DAB1: variants seen among roughly 807,000 people sequenced by gnomAD.
DAB1 encodes DAB adaptor protein 1, also known as disabled homolog 1.
DAB1 carries 15 observed loss-of-function variants against 64.6 expected under a neutral mutation model. The observed-to-expected ratio is 0.23, with a 90% confidence interval of 0.16 to 0.36. The LOEUF (loss-of-function observed/expected upper bound fraction) is 0.36. DAB1 is among the 10% of genes least tolerant of loss of function. The pLI is 1.00. For missense variants in DAB1, 596 were observed against 706.7 expected (o/e 0.84, Z 1.78); for synonymous variants, 235 against 251.9 (o/e 0.93, Z 0.64).
chr1:57,743,302 T>C (rs1312291576), intron 6 of DAB1, among the ~76,000 whole-genome samples: 7 of 152,206 alleles, frequency 4.6e-5, no homozygotes, highest in Admixed American at 4.6e-4. Context: ...TCAATGTACT[T>C]TGTAATCTCC....
intron 4 of DAB1, among the ~76,000 whole-genome samples, chr1:58,328,048 G>A (rs1024533816): frequency 1.1e-4 from 17 of 152,106 alleles, no homozygotes; most frequent in South Asian, 4.1e-4. Context: ...TGGGCCTAAC[G>A]CAGTTCAGCC....
chr1:57,898,634 C>A (rs59435252), intron 5 of DAB1, among the ~76,000 whole-genome samples: 1,616 of 152,246 alleles, frequency 0.011, 22 homozygotes, highest in African/African-American at 0.036. Flanking sequence ...CCAAAGCTCT[C>A]TTGCCTGGGT....
intron 7 of DAB1, among the ~76,000 whole-genome samples, chr1:57,594,457 AG>A (rs1295753373): frequency 6.6e-6 from 1 of 151,948 alleles, no homozygotes; most frequent in East Asian, 1.9e-4. Context: ...CACAGCCAGT[AG>A]GGTGACTGTC....
At chr1:57,298,033 G>A (rs1673345128) in intron 1 of DAB1, among the ~76,000 whole-genome samples, 2 of 152,112 alleles carry the variant, frequency 1.3e-5, no homozygotes, top group African/African-American at 2.4e-5. Flanking sequence ...ACCACTGCAG[G>A]TTCCTTTAAT....
chr1:57,945,902 C>T (rs770089121), intron 5 of DAB1, among the ~76,000 whole-genome samples: 33 of 152,250 alleles, frequency 2.2e-4, no homozygotes, highest in African/African-American at 6.5e-4. Flanking sequence ...CAATAACTAA[C>T]GAAAAGACAA....
chr1:57,439,618 C>CA (rs1685857364), intron 7 of DAB1, among the ~76,000 whole-genome samples: 1 of 124,352 alleles, frequency 8.0e-6, no homozygotes, highest in East Asian at 2.6e-4. Flanking sequence ...TTAGTAGAGA[C>CA]GGGGTTCACC....
At chr1:57,160,204 T>C (rs1660616334) in intron 2 of DAB1, among the ~76,000 whole-genome samples, 1 of 152,232 alleles carries the variant, frequency 6.6e-6, no homozygotes, top group South Asian at 2.1e-4. Flanking sequence ...TATAATAGTT[T>C]ATTTCATGTT....
chr1:58,433,670 GGA>G (rs60954569), intron 3 of DAB1, among the ~76,000 whole-genome samples: 12 of 142,096 alleles, frequency 8.4e-5, no homozygotes, highest in Admixed American at 1.4e-4. Context: ...GGGAGGCGGG[GGA>G]GAGAGAGAGA....
intron 2 of DAB1, among the ~76,000 whole-genome samples, chr1:58,508,884 T>A (rs1237614109): frequency 6.7e-6 from 1 of 149,854 alleles, no homozygotes; most frequent in Non-Finnish European, 1.5e-5. Flanking sequence ...CATTCTAACA[T>A]TTCTGAGGGC....
chr1:57,603,227 C>G (rs887882025), intron 7 of DAB1, among the ~76,000 whole-genome samples: 5 of 152,172 alleles, frequency 3.3e-5, no homozygotes, highest in East Asian at 1.9e-4. Flanking sequence ...CCTGCCTCAG[C>G]CTCCCAAAGT....
intron 5 of DAB1, among the ~76,000 whole-genome samples, chr1:57,955,910 TA>T (rs1240399497): frequency 1.3e-5 from 2 of 152,222 alleles, no homozygotes; most frequent in African/African-American, 4.8e-5. Flanking sequence ...ATTCCCATTT[TA>T]AAATGCACAA....
intron 4 of DAB1, among the ~76,000 whole-genome samples, chr1:57,093,470 G>A (rs570507724): frequency 1.8e-4 from 28 of 152,098 alleles, no homozygotes; most frequent in African/African-American, 6.5e-4. Context: ...GCAATGTGAG[G>A]TCGCAAAGCC....
chr1:57,006,121 A>G lies in DAB1; in HGVS notation c.*15+4559T>C, dbSNP rs534517304. ...CTGTAATAGAGACAGTATGGCCCAC[A>G]AGGCACACATATTTACAGAGAGTTT... On this transcript the variant is annotated intron_variant, in intron 14 of 14. Coordinates refer to ENST00000371236, the MANE Select transcript of DAB1 (RefSeq NM_001365792.1). Among the ~76,000 whole-genome samples the G allele has an allele frequency of 7.2e-5, 11 of 152,314 alleles. 1 individual carries two copies. The South Asian group carries it at 2.3e-3, about 32-fold the overall frequency.
In DAB1 at chr1:57,951,334, T is replaced by TATATATATATATC. The variant is rs1219655257; in HGVS notation, n.388-67173_388-67172insGATATATATATAT. Among the ~76,000 whole-genome samples, 75 of 63,848 alleles carry TATATATATATATC rather than the reference T, an allele frequency of 1.2e-3. 12 individuals are homozygous for TATATATATATATC. The highest frequency in any genetic ancestry group is 2.0e-3 in the Non-Finnish European group (55 of 27,314). The allele number at this position is 63,848 out of a possible 152,430, so 41.9% of individuals were successfully genotyped here. On this transcript the variant is annotated intron_variant and non_coding_transcript_variant, in intron 5 of 20. Coordinates refer to the DAB1 transcript ENST00000485760. ...GCCTGATTCATATATATATATATAC[T>TATATATATATATC]TCCCTGGAAACTTAAATTAGCCCAA...
rs187063457 is a variant in DAB1, at chr1:58,475,142, G to T, written n.257+30918C>A. Among the ~76,000 whole-genome samples the T allele has an allele frequency of 5.8e-3, 886 of 152,230 alleles. 1 individual carries two copies. Among genetic ancestry groups the T allele is most frequent in the Middle Eastern group, 0.01 (3 of 294 alleles). On this transcript the variant is annotated intron_variant and non_coding_transcript_variant, in intron 3 of 20. Coordinates refer to the DAB1 transcript ENST00000485760. ...AGACAAGAGCCGTAATGGATTAATAGAATTAGATTAATTATTAGTAGTAGT... is the reference window on the plus strand; with the variant it reads ...AGACAAGAGCCGTAATGGATTAATATAATTAGATTAATTATTAGTAGTAGT...
At chr1:57,402,641 C>T (rs778457038) in intron 1 of DAB1, among the ~76,000 whole-genome samples, 3 of 152,092 alleles carry the variant, frequency 2.0e-5, no homozygotes, top group Non-Finnish European at 4.4e-5. Context: ...ATATTTTCTG[C>T]CTCATTCATA....
At chr1:57,440,004 A>G (rs955021764) in intron 7 of DAB1, among the ~76,000 whole-genome samples, 9 of 152,196 alleles carry the variant, frequency 5.9e-5, no homozygotes, top group African/African-American at 1.7e-4. Flanking sequence ...TGATAATACC[A>G]TACCAGATAA....
At chr1:57,814,035 T>C (rs1651745747) in intron 6 of DAB1, among the ~76,000 whole-genome samples, 1 of 152,234 alleles carries the variant, frequency 6.6e-6, no homozygotes, top group African/African-American at 2.4e-5. Context: ...AAGTTTCTCT[T>C]CTTAAGATAA....
intron 2 of DAB1, among the ~76,000 whole-genome samples, chr1:57,258,705 ATTG>A (rs1669952629): frequency 6.6e-6 from 1 of 152,184 alleles, no homozygotes; most frequent in Non-Finnish European, 1.5e-5. Context: ...ATCTGGTTAA[ATTG>A]TTCGACAGGA....
Sources: allele counts gnomAD v4.1 joint callset (sites outside exome capture counted in the v4.1 genomes callset), GRCh38; gene constraint gnomAD v4.1.1; transcripts MANE v1.5; gene names NCBI Gene and HGNC (gene_info 2026-07-23, HGNC 2026-07-21).